The following DNAJB8 variants were observed in gnomAD, a reference collection of about 807,000 sequenced individuals.
DNAJB8 encodes the protein dnaJ homolog subfamily B member 8.
For synonymous variants in DNAJB8, 127 were observed against 127.1 expected (o/e 1.00, Z 0.00); for missense variants, 354 against 318.9 (o/e 1.11, Z -0.84).
In DNAJB8 at chr3:128,462,889, GA is replaced by G. The variant is rs1358201371; in HGVS notation, c.356del (p.Phe119SerfsTer12). ...GGCCCCGGCCACCACGGTCACTATT[GA>G]ATGGGCTGTCCCAGAACTCAAAGGA... ...PFSFEFWDSP[F>X]NSDRGGRGHG... is the part of the protein sequence containing the mutation. On this transcript the variant is annotated frameshift_variant, in exon 3 of 3. Coordinates refer to ENST00000319153, the MANE Select transcript of DNAJB8 (RefSeq NM_153330.6). LOFTEE classifies it low-confidence loss of function (END_TRUNC). The G allele has an allele frequency of 6.2e-7, 1 of 1,614,072 alleles. No individual in the cohort carries two copies. Among genetic ancestry groups the G allele is most frequent in the Admixed American group, 1.7e-5 (1 of 60,016 alleles).
chr3:128,462,562 C>A lies in DNAJB8; in HGVS notation c.684G>T (p.Trp228Cys), dbSNP rs146002629. The change falls in exon 3 of 3, where the codon TGG (tryptophan) becomes TGT (cysteine). Residue 228 changes from tryptophan (W) to cysteine (C), a missense_variant. Physicochemically the swap from Trp to Cys is radical, Grantham distance 215 (BLOSUM62 -2). Transcript: ENST00000319153. ...TGGCCAGCGCCTACTTGCTGTCCAT[C>A]CATTTGAGCTGCTCCTTGCCGTTCA... ...VTVNGKEQLK[W>C]MDSK The A allele has an allele frequency of 7.0e-5, 113 of 1,604,074 alleles. No individual in the cohort carries two copies. Among genetic ancestry groups the A allele is most frequent in the Non-Finnish European group, 8.6e-5 (101 of 1,172,604 alleles).
chr3:128,462,865 G>T lies in DNAJB8; in HGVS notation c.381C>A (p.Gly127=), dbSNP rs756117119. 6.2e-7 allele frequency: 1 copy of T among 1,614,182 alleles called. No homozygotes were observed. The highest frequency in any genetic ancestry group is 8.5e-7 in the Non-Finnish European group (1 of 1,180,026). Residue 127 remains glycine (G), a synonymous_variant, in exon 3 of 3, where the codon GGC becomes GGA. Transcript: ENST00000319153. Reference sequence around the variant, plus strand: ...CCGAGAAGGCCCCCCTCAGGCCATGGCCCCGGCCACCACGGTCACTATTGA... The same window carrying T: ...CCGAGAAGGCCCCCCTCAGGCCATGTCCCCGGCCACCACGGTCACTATTGA... ...SPFNSDRGGR[G]HGLRGAFSAG...
At position 128,463,544 on chromosome 3, in the gene DNAJB8, C is replaced by T. The variant is rs920418075; in HGVS notation, c.-299G>A. 1.6e-5 allele frequency: 4 copies of T among 253,182 alleles called. No homozygotes were observed. Among genetic ancestry groups the T allele is most frequent in the Admixed American group, 1.0e-4 (2 of 19,970 alleles). The allele number at this position is 253,182 out of a possible 1,614,324, so 15.7% of individuals were successfully genotyped here. A position where few individuals can be genotyped will look rare whatever the true frequency, so the allele number is the denominator to read the frequency against. ...GAGCTCCTTTTATGACGTCAGCTCC[C>T]GGGGCGGGGCATACCCCCGCCCCCA... On this transcript the variant is annotated 5_prime_UTR_variant, in exon 3 of 3. Coordinates refer to ENST00000319153, the MANE Select transcript of DNAJB8 (RefSeq NM_153330.6).
intron 1 of DNAJB8, 40 bp from the exon 2 acceptor site, chr3:128,465,476 A>G (rs954187151): frequency 6.6e-6 from 1 of 152,470 alleles, no homozygotes; most frequent in Non-Finnish European, 1.5e-5. Context: ...ACAGTTCTCC[A>G]TGATGGCGGT....
chr3:128,466,552 T>A (rs1315932520), intron 1 of DNAJB8, 62 bp downstream of exon 1: 1 of 152,536 alleles, frequency 6.6e-6, no homozygotes, highest in African/African-American at 2.4e-5. Flanking sequence ...CCGATGGCGA[T>A]GGTGATGGCA....
chr3:128,464,483 A>G (rs1284329886), intron 2 of DNAJB8, among the ~76,000 whole-genome samples: 2 of 152,210 alleles, frequency 1.3e-5, no homozygotes, highest in African/African-American at 2.4e-5. Flanking sequence ...TGAGCTACCC[A>G]GTTTGTAATA....
Position 128,462,943 on chromosome 3 carries a change from C to T in DNAJB8, c.303G>A (p.Arg101=), listed in dbSNP as rs1479679476. The change falls in exon 3 of 3, where the codon CGG becomes CGA. Residue 101 remains arginine, a synonymous_variant. Coordinates refer to ENST00000319153, the MANE Select transcript of DNAJB8 (RefSeq NM_153330.6). ...YTFRNPEDIF[R]EFFGGLDPFS... ...AAGGGTCCAGGCCACCAAAAAACTC[C>T]CGGAAGATGTCCTCAGGGTTACGGA... 5.6e-6 allele frequency: 9 copies of T among 1,614,004 alleles called. No individual in the cohort carries two copies. Among genetic ancestry groups the T allele is most frequent in the South Asian group, 1.1e-5 (1 of 91,086 alleles).
chr3:128,463,697 A>T lies in DNAJB8; in HGVS notation c.-452T>A, dbSNP rs2068488297. On this transcript the variant is annotated 5_prime_UTR_variant, in exon 3 of 3. Coordinates refer to ENST00000319153, the MANE Select transcript of DNAJB8 (RefSeq NM_153330.6). ...CTGAGTCCCGGGAGCCAAAGGGCAG[A>T]GGCAGGATCAGCCACGGGATTCCAG... 5.9e-6 allele frequency: 1 copy of T among 170,508 alleles called. No individual in the cohort carries two copies. 10.6% of individuals were successfully genotyped at this position (170,508 alleles called of 1,614,324 possible).
chr3:128,462,529 G>T lies in DNAJB8; in HGVS notation c.*18C>A. On this transcript the variant is annotated 3_prime_UTR_variant, in exon 3 of 3. Transcript: ENST00000319153. ...GCACGGTGGTGGTGGTGGGAAGGCA[G>T]GGCCGGGTGGCCAGCGCCTACTTGC... is the stretch of plus-strand genomic sequence containing the variant. The T allele has an allele frequency of 6.3e-7, 1 of 1,583,502 alleles. No homozygotes were observed.
chr3:128,463,214 T>A lies in DNAJB8; in HGVS notation c.32A>T (p.Gln11Leu). ...GATGTCCTCCGGGGAAGCGCTGGCC[T>A]GCACGCCCAGCACTTCGTAGTAGTT... MANYYEVLGV[Q>L]ASASPEDIKK... is the part of the protein sequence containing the mutation. Residue 11 changes from glutamine (Q) to leucine (L), a missense_variant, in exon 3 of 3, where the codon CAG (glutamine) becomes CTG (leucine). Transcript: ENST00000319153. 2 of 1,613,822 alleles carry A rather than the reference T, an allele frequency of 1.2e-6. No individual in the cohort carries two copies. The highest frequency in any genetic ancestry group is 2.2e-5 in the East Asian group (1 of 44,858).
At chr3:128,465,984 T>A (rs1319010073) in intron 1 of DNAJB8, 1 of 151,984 alleles carries the variant, frequency 6.6e-6, no homozygotes, top group Non-Finnish European at 1.5e-5. Flanking sequence ...AACATCTAGT[T>A]CCCCCCACTT....
At chr3:128,466,337 T>G (rs2068512444) in intron 1 of DNAJB8, 1 of 152,508 alleles carries the variant, frequency 6.6e-6, no homozygotes. Context: ...AAGATGGGAC[T>G]GACAGCGGGG....
At position 128,466,760 on chromosome 3, in the gene DNAJB8, G is replaced by A. The variant is rs2107662203; in HGVS notation, c.-1173C>T. On this transcript the variant is annotated 5_prime_UTR_variant, in exon 1 of 3. Transcript: ENST00000319153. Reference sequence around the variant, plus strand: ...CGTTGCAGGCAGGTGACAATGGTGAGCTTTGCAACAGCTCGGGGCAATCTT... The same window carrying A: ...CGTTGCAGGCAGGTGACAATGGTGAACTTTGCAACAGCTCGGGGCAATCTT... 2.6e-5 allele frequency: 4 copies of A among 152,326 alleles called. No individual in the cohort carries two copies. The Middle Eastern group carries it at 0.014, about 518-fold the overall frequency. The allele number at this position is 152,326 out of a possible 1,614,324, so 9.4% of individuals were successfully genotyped here.
Position 128,462,650 on chromosome 3 carries a change from A to G in DNAJB8, c.596T>C (p.Ile199Thr). ...INGHKVTTKR[I>T]VENGQERVEV... ...CACGCGCTCCTGCCCGTTCTCCACG[A>G]TGCGCTTGGTGGTGACCTTGTGGCC... Residue 199 changes from isoleucine (I) to threonine (T), a missense_variant, in exon 3 of 3, where the codon ATC becomes ACC. Ile to Thr is a moderately conservative substitution (Grantham distance 89, BLOSUM62 -1). Transcript: ENST00000319153. The G allele has an allele frequency of 6.2e-7, 1 of 1,612,962 alleles. No homozygotes were observed. The highest frequency in any genetic ancestry group is 1.1e-5 in the South Asian group (1 of 91,056).
Position 128,462,564 on chromosome 3 carries a change from A to G in DNAJB8, c.682T>C (p.Trp228Arg), listed in dbSNP as rs757866370. ...GCCAGCGCCTACTTGCTGTCCATCC[A>G]TTTGAGCTGCTCCTTGCCGTTCACA... ...VTVNGKEQLK[W>R]MDSK is the part of the protein sequence containing the mutation. The change falls in exon 3 of 3, where the codon TGG becomes CGG. Residue 228 changes from tryptophan (W) to arginine (R), a missense_variant. Coordinates refer to ENST00000319153, the MANE Select transcript of DNAJB8 (RefSeq NM_153330.6). 16 of 1,607,734 alleles carry G rather than the reference A, an allele frequency of 1.0e-5. No homozygotes were observed. The highest frequency in any genetic ancestry group is 4.0e-5 in the African/African-American group (3 of 74,844).
At position 128,462,865 on chromosome 3, in the gene DNAJB8, G is replaced by A; in HGVS notation, c.381C>T (p.Gly127=). The A allele has an allele frequency of 6.2e-7, 1 of 1,614,182 alleles. No individual in the cohort carries two copies. Residue 127 remains glycine, a synonymous_variant, in exon 3 of 3, where the codon GGC becomes GGT. Transcript: ENST00000319153. ...CCGAGAAGGCCCCCCTCAGGCCATG[G>A]CCCCGGCCACCACGGTCACTATTGA... is the stretch of plus-strand genomic sequence containing the variant. The part of the protein sequence containing the change: ...SPFNSDRGGR[G]HGLRGAFSAG...
In DNAJB8 at chr3:128,465,367, T is replaced by A. The variant is rs1400820239; in HGVS notation, c.-957A>T. On this transcript the variant is annotated 5_prime_UTR_variant, in exon 2 of 3. It introduces an in-frame stop codon into an upstream open reading frame of the 5' UTR. Transcript: ENST00000319153. ...CTACAGATGAACCTGATTCTTTATC[T>A]CTGTGGCTGGATTTTTGTCACTATG... 1 of 152,288 alleles carries A rather than the reference T, an allele frequency of 6.6e-6. No homozygotes were observed. Among genetic ancestry groups the A allele is most frequent in the Non-Finnish European group, 1.5e-5 (1 of 68,050 alleles). 9.4% of individuals were successfully genotyped at this position (152,288 alleles called of 1,614,324 possible).
intron 1 of DNAJB8, 137 bp downstream of exon 1, chr3:128,466,477 G>A (rs767064153): frequency 2.0e-5 from 3 of 152,714 alleles, no homozygotes; most frequent in Admixed American, 6.5e-5. Context: ...TTGTGGAAGA[G>A]GCAATGGTAG....
chr3:128,462,688 G>T lies in DNAJB8; in HGVS notation c.558C>A (p.Thr186=). 2.5e-6 allele frequency: 4 copies of T among 1,613,984 alleles called. No homozygotes were observed. The highest frequency in any genetic ancestry group is 3.4e-6 in the Non-Finnish European group (4 of 1,180,010). ...SSGFKSVMSS[T]EMINGHKVTT... ...TGACCTTGTGGCCATTGATCATCTCGGTGGACGACATCACCGACTTGAACC... is the reference window on the plus strand; with the variant it reads ...TGACCTTGTGGCCATTGATCATCTCTGTGGACGACATCACCGACTTGAACC... Residue 186 remains threonine, a synonymous_variant, in exon 3 of 3, where the codon ACC becomes ACA. Coordinates refer to ENST00000319153, the MANE Select transcript of DNAJB8 (RefSeq NM_153330.6).
Sources: allele counts gnomAD v4.1 joint callset (sites outside exome capture counted in the v4.1 genomes callset), GRCh38; gene constraint gnomAD v4.1.1; transcripts MANE v1.5; gene names NCBI Gene and HGNC (gene_info 2026-07-23, HGNC 2026-07-21).